PRKCA: variants seen among roughly 807,000 people sequenced by gnomAD.
PRKCA encodes the protein protein kinase C alpha, also known as protein kinase C alpha type.
Under a neutral mutation model 87.0 loss-of-function variants are expected in PRKCA, and 27 were observed. The observed-to-expected ratio is 0.31, with a 90% CI of 0.23 to 0.43. The LOEUF is 0.43. PRKCA is among the 20% of genes least tolerant of loss of function. PRKCA has a pLI of 1.00. For missense variants in PRKCA, 518 were observed against 852.3 expected, an observed-to-expected ratio of 0.61 and a Z score of 4.88; for synonymous variants, 329 against 311.1, an observed-to-expected ratio of 1.06 and a Z score of -0.61.
chr17:66,322,839 A>C (rs1016866455), intron 2 of PRKCA, among the ~76,000 whole-genome samples: 33 of 152,142 alleles, frequency 2.2e-4, no homozygotes, highest in Admixed American at 2.2e-3. Flanking sequence ...TTGTAAAATA[A>C]AACACATACA....
intron 14 of PRKCA, chr17:66,777,473 G>C (rs1975083943): frequency 1.6e-5 from 15 of 961,266 alleles, no homozygotes; most frequent in Non-Finnish European, 1.7e-5. Context: ...AATACGTCCG[G>C]GTGTAAACAC....
chr17:66,403,445 T>G (rs1358963618), intron 2 of PRKCA, among the ~76,000 whole-genome samples: 1 of 152,214 alleles, frequency 6.6e-6, no homozygotes, highest in Non-Finnish European at 1.5e-5. Context: ...CAGCTCCTAT[T>G]GCATTATAGC....
At chr17:66,495,141 A>G (rs1299208950) in intron 2 of PRKCA, among the ~76,000 whole-genome samples, 1 of 152,004 alleles carries the variant, frequency 6.6e-6, no homozygotes, top group Non-Finnish European at 1.5e-5. Flanking sequence ...ACTTTCTATA[A>G]CAGTTATTTT....
Position 66,809,333 on chromosome 17 carries a change from G to T in PRKCA, c.*5296G>T, listed in dbSNP as rs927056792. The T allele has an allele frequency of 6.6e-6, 1 of 152,504 alleles. No homozygotes were observed. The highest frequency in any genetic ancestry group is 1.5e-5 in the Non-Finnish European group (1 of 68,018). 9.4% of individuals were successfully genotyped at this position (152,504 alleles called of 1,614,324 possible). On this transcript the variant is annotated 3_prime_UTR_variant, in exon 17 of 17. Transcript: ENST00000413366. ...CAGGTGACAGTTAATAACCGTGGAG[G>T]TCACACTCAGCCATCCAACAGCCTT...
chr17:66,531,367 CA>C (rs1967533389), intron 3 of PRKCA, among the ~76,000 whole-genome samples: 1 of 152,208 alleles, frequency 6.6e-6, no homozygotes, highest in Non-Finnish European at 1.5e-5. Flanking sequence ...TGAAGCATGG[CA>C]GCCTGGGCAG....
intron 2 of PRKCA, among the ~76,000 whole-genome samples, chr17:66,323,997 CAT>C (rs1905829434): frequency 1.3e-5 from 2 of 152,076 alleles, no homozygotes; most frequent in Non-Finnish European, 2.9e-5. Context: ...ACTTCACCCA[CAT>C]GACTGTACAT....
intron 5 of PRKCA, among the ~76,000 whole-genome samples, chr17:66,645,981 G>A (rs1971442876): frequency 6.6e-6 from 1 of 152,224 alleles, no homozygotes; most frequent in Admixed American, 6.5e-5. Flanking sequence ...CTTCCTCTGT[G>A]TTAGGTATGG....
chr17:66,603,925 G>T (rs1970129617), intron 3 of PRKCA, among the ~76,000 whole-genome samples: 1 of 152,188 alleles, frequency 6.6e-6, no homozygotes, highest in Non-Finnish European at 1.5e-5. Context: ...GTTCATTCAT[G>T]TAGTCACATG....
At chr17:66,335,331 G>C (rs1196073124) in intron 2 of PRKCA, among the ~76,000 whole-genome samples, 2 of 151,846 alleles carry the variant, frequency 1.3e-5, no homozygotes, top group Non-Finnish European at 2.9e-5. Context: ...GACGAGGTGT[G>C]ACTATGTTGC....
intron 3 of PRKCA, among the ~76,000 whole-genome samples, chr17:66,628,029 C>G (rs1193988322): frequency 1.3e-5 from 2 of 152,178 alleles, no homozygotes; most frequent in Admixed American, 6.5e-5. Context: ...ATGCCCAAGC[C>G]TAACAAAAAC....
intron 2 of PRKCA, among the ~76,000 whole-genome samples, chr17:66,441,179 A>AG: frequency 6.7e-6 from 1 of 149,880 alleles, no homozygotes; most frequent in East Asian, 2.0e-4. Context: ...AAAAAAAAAA[A>AG]AAAAAAAAAG....
At chr17:66,423,791 G>T (rs953407833) in intron 2 of PRKCA, among the ~76,000 whole-genome samples, 3 of 148,558 alleles carry the variant, frequency 2.0e-5, no homozygotes, top group Non-Finnish European at 4.5e-5. Context: ...AATTAGTCTG[G>T]GAGCGCTTCC....
intron 2 of PRKCA, among the ~76,000 whole-genome samples, chr17:66,382,839 A>AC (rs926947863): frequency 9.9e-5 from 15 of 151,612 alleles, no homozygotes; most frequent in Non-Finnish European, 1.5e-4. Flanking sequence ...CTGGACAGAC[A>AC]CCCCCCCATT....
At chr17:66,551,419 CT>C (rs1410885515) in intron 3 of PRKCA, among the ~76,000 whole-genome samples, 2 of 152,248 alleles carry the variant, frequency 1.3e-5, no homozygotes, top group African/African-American at 4.8e-5. Flanking sequence ...ATTCCCAAGC[CT>C]GCTTTTCGCA....
chr17:66,449,834 G>C (rs1914220495), intron 2 of PRKCA, among the ~76,000 whole-genome samples: 1 of 152,144 alleles, frequency 6.6e-6, no homozygotes, highest in Non-Finnish European at 1.5e-5. Flanking sequence ...TGGACGAACG[G>C]CCTCAGGTGT....
chr17:66,489,493 G>T (rs1231050027), intron 2 of PRKCA, among the ~76,000 whole-genome samples: 1 of 150,566 alleles, frequency 6.6e-6, no homozygotes, highest in Admixed American at 6.6e-5. Flanking sequence ...CAGTAGTTTG[G>T]CAGGAAAGCC....
intron 2 of PRKCA, among the ~76,000 whole-genome samples, chr17:66,490,846 G>T (rs954924220): frequency 6.6e-6 from 1 of 152,218 alleles, no homozygotes; most frequent in Admixed American, 6.5e-5. Flanking sequence ...CTCCCAAAGT[G>T]CAGGGATTAC....
At chr17:66,446,688 C>G (rs1302902404) in intron 2 of PRKCA, among the ~76,000 whole-genome samples, 1 of 152,192 alleles carries the variant, frequency 6.6e-6, no homozygotes, top group Admixed American at 6.5e-5. Flanking sequence ...CAAGGCAGCA[C>G]TGCCCTGTTC....
At chr17:66,777,863 G>A (rs1975096044) in intron 14 of PRKCA, 2 of 985,400 alleles carry the variant, frequency 2.0e-6, no homozygotes, top group African/African-American at 3.5e-5. Context: ...AGGTCTGCAG[G>A]AAAGTCCTCC....
Sources: gnomAD v4.1 joint callset for allele counts (sites outside exome capture counted in the v4.1 genomes callset) on GRCh38, gnomAD v4.1.1 for gene constraint, MANE v1.5 for transcripts, NCBI Gene and HGNC (gene_info 2026-07-23, HGNC 2026-07-21) for gene names.